NKD1: variants seen among roughly 807,000 people sequenced by gnomAD.
The protein encoded by NKD1 is protein naked cuticle homolog 1.
NKD1 carries 21 observed loss-of-function variants against 56.0 expected under a neutral mutation model. That is an observed-to-expected ratio of 0.38 (90% CI 0.27 to 0.54). The LOEUF is 0.54. Ranked by LOEUF, NKD1 falls within the 20% of genes least tolerant of loss-of-function variation. NKD1 has a pLI of 0.82. For synonymous variants in NKD1, 263 were observed against 265.7 expected (o/e 0.99, Z 0.10); for missense variants, 578 against 642.7 (o/e 0.90, Z 1.09).
rs1307528318 is a variant in NKD1, at chr16:50,549,361, G to A, written c.59-61G>A. On this transcript the variant is annotated intron_variant, in intron 2 of 9. Transcript: ENST00000268459. ...CCCACCGCGCCTCCTTCTTCCCTCC[G>A]CGGGGGTAACTTTTGGCACCTGGAG... The A allele has an allele frequency of 3.2e-6, 5 of 1,574,734 alleles. No homozygotes were observed. The Admixed American group carries it at 5.3e-5, about 17-fold the overall frequency.
chr16:50,633,356 G>A lies in NKD1; in HGVS notation c.988G>A (p.Glu330Lys), dbSNP rs1238133171. The A allele has an allele frequency of 6.2e-7, 1 of 1,614,146 alleles. No individual in the cohort carries two copies. The highest frequency in any genetic ancestry group is 1.7e-5 in the Admixed American group (1 of 60,014). ...FLDTPIAKVS[E>K]LQQRLRGTQD... ...TGACACCCCAATCGCCAAGGTCTCA[G>A]AGCTCCAGCAACGGCTCCGGGGCAC... is the stretch of plus-strand genomic sequence containing the variant. The change falls in exon 10 of 10, where the codon GAG (glutamate) becomes AAG (lysine). Residue 330 changes from glutamate to lysine, a missense_variant. By Grantham distance (56) the Glu-to-Lys change is moderately conservative (BLOSUM62 1). Transcript: ENST00000268459. This position sits in a 1 kb window ranked among gnomAD's most constrained non-coding sequence, Gnocchi z 4.9.
At position 50,625,496 on chromosome 16, in the gene NKD1, C is replaced by T. The variant is rs372034222; in HGVS notation, c.378C>T (p.Cys126=). ...KKQLKFEELQ[C]DVSMEEDSRQ... Reference sequence around the variant, plus strand: ...CTCTCTGCATCCAGGAGCTCCAGTGCGACGTGTCCATGGAGGAGGACAGCC... The same window carrying T: ...CTCTCTGCATCCAGGAGCTCCAGTGTGACGTGTCCATGGAGGAGGACAGCC... Residue 126 remains cysteine, a synonymous_variant, in exon 6 of 10, where the codon TGC becomes TGT. Coordinates refer to ENST00000268459, the MANE Select transcript of NKD1 (RefSeq NM_033119.5). 2.2e-4 allele frequency: 360 copies of T among 1,611,344 alleles called. 1 individual carries two copies. Among genetic ancestry groups the T allele is most frequent in the Non-Finnish European group, 2.8e-4 (330 of 1,177,726 alleles).
chr16:50,571,524 A>ATC, intron 3 of NKD1: 8 of 985,320 alleles, frequency 8.1e-6, no homozygotes, highest in Non-Finnish European at 9.6e-6. Context: ...CTTGAGACCC[A>ATC]TCTGCGCTCC....
rs1363476345 is a variant in NKD1, at chr16:50,598,773, CCAGTGGTGTGGTGGG to C, written c.193-9509_193-9495del. 6.6e-6 allele frequency among the ~76,000 whole-genome samples: 1 copy of C among 151,648 alleles called. No homozygotes were observed. Among genetic ancestry groups the C allele is most frequent in the Non-Finnish European group, 1.5e-5 (1 of 67,876 alleles). Reference sequence around the variant, plus strand: ...TGTGGCAGGTGGTGGCATGGTGGGGCCAGTGGTGTGGTGGGCAGTGGTGTGGCAGGATCAGTGGTG... The same window carrying C: ...TGTGGCAGGTGGTGGCATGGTGGGGCCAGTGGTGTGGCAGGATCAGTGGTG... On this transcript the variant is annotated intron_variant, in intron 3 of 9. Coordinates refer to ENST00000268459, the MANE Select transcript of NKD1 (RefSeq NM_033119.5). This position sits in a 1 kb window ranked among gnomAD's most constrained non-coding sequence, Gnocchi z 4.2.
chr16:50,609,459 C>T (rs765336603), intron 4 of NKD1, among the ~76,000 whole-genome samples: 23 of 152,302 alleles, frequency 1.5e-4, no homozygotes, highest in Admixed American at 5.2e-4. Flanking sequence ...AGACAGCTGG[C>T]TGGAGAGCTG....
At chr16:50,549,641 C>A in intron 3 of NKD1, 86 bp downstream of exon 3, 1 of 1,241,648 alleles carries the variant, frequency 8.1e-7, no homozygotes, top group Non-Finnish European at 1.1e-6. Context: ...CAACTTTGAG[C>A]ACTTTCCTGC....
At chr16:50,613,387 G>C (rs772271926) in intron 4 of NKD1, among the ~76,000 whole-genome samples, 44 of 152,084 alleles carry the variant, frequency 2.9e-4, no homozygotes, top group Non-Finnish European at 6.3e-4. Context: ...TGGCTTCCCA[G>C]GAAGGCTGGG....
At chr16:50,600,632 A>G (rs191336857) in intron 3 of NKD1, among the ~76,000 whole-genome samples, 37 of 152,320 alleles carry the variant, frequency 2.4e-4, no homozygotes, top group Admixed American at 1.4e-3. Context: ...CGACCATGGC[A>G]TGTGGATGCC....
Position 50,633,325 on chromosome 16 carries a change from C to G in NKD1, c.957C>G (p.His319Gln), listed in dbSNP as rs1362369692. 1 of 1,614,190 alleles carries G rather than the reference C, an allele frequency of 6.2e-7. No homozygotes were observed. The highest frequency in any genetic ancestry group is 1.7e-5 in the Admixed American group (1 of 60,024). The change falls in exon 10 of 10, where the codon CAC becomes CAG. Residue 319 changes from histidine to glutamine, a missense_variant. Coordinates refer to ENST00000268459, the MANE Select transcript of NKD1 (RefSeq NM_033119.5). This position sits in a 1 kb window ranked among gnomAD's most constrained non-coding sequence, Gnocchi z 4.9. ...KPQGVDPASF[H>Q]FLDTPIAKVS... ...AAGGCGTGGACCCGGCCTCCTTCCA[C>G]TTCCTTGACACCCCAATCGCCAAGG...
In NKD1 at chr16:50,598,807, A is replaced by G. The variant is rs1961532326; in HGVS notation, c.193-9487A>G. Among the ~76,000 whole-genome samples, 1 of 151,640 alleles carries G rather than the reference A, an allele frequency of 6.6e-6. No individual in the cohort carries two copies. Among genetic ancestry groups the G allele is most frequent in the East Asian group, 1.9e-4 (1 of 5,154 alleles). ...TGGTGGGCAGTGGTGTGGCAGGATCAGTGGTGCGATGTGCAGTGGCATGGT... is the reference window on the plus strand; with the variant it reads ...TGGTGGGCAGTGGTGTGGCAGGATCGGTGGTGCGATGTGCAGTGGCATGGT... On this transcript the variant is annotated intron_variant, in intron 3 of 9. Transcript: ENST00000268459. The surrounding 1 kb of genome is among the most constrained non-coding windows in gnomAD (Gnocchi z 4.2).
intron 3 of NKD1, among the ~76,000 whole-genome samples, chr16:50,580,622 G>C (rs991765863): frequency 6.6e-6 from 1 of 152,222 alleles, no homozygotes; most frequent in African/African-American, 2.4e-5. Context: ...CTAGCTCCCA[G>C]GAATGTTTTG....
At chr16:50,573,335 C>T (rs1022426588) in intron 3 of NKD1, among the ~76,000 whole-genome samples, 2 of 152,094 alleles carry the variant, frequency 1.3e-5, no homozygotes, top group Non-Finnish European at 2.9e-5. Flanking sequence ...CTATGGAGAC[C>T]TCCTGATGCT....
chr16:50,577,337 TG>T (rs1389425217), intron 3 of NKD1, among the ~76,000 whole-genome samples: 8 of 152,298 alleles, frequency 5.3e-5, no homozygotes, highest in Middle Eastern at 6.8e-3. Context: ...ATCACTTTAT[TG>T]AGATATGATT....
chr16:50,574,327 G>C, intron 3 of NKD1: 4 of 985,424 alleles, frequency 4.1e-6, no homozygotes, highest in Non-Finnish European at 4.8e-6. Context: ...AGAACTGGGG[G>C]CTGAGGTGTC....
At chr16:50,626,905 A>G (rs952155640) in intron 6 of NKD1, among the ~76,000 whole-genome samples, 17 of 152,132 alleles carry the variant, frequency 1.1e-4, no homozygotes, top group Non-Finnish European at 2.9e-5. Context: ...CCAGAGAGAC[A>G]CTAAAGCTTT....
intron 4 of NKD1, among the ~76,000 whole-genome samples, chr16:50,612,028 C>T (rs1002298965): frequency 2.1e-4 from 32 of 152,146 alleles, no homozygotes; most frequent in African/African-American, 7.7e-4. Flanking sequence ...CTTCTTTAAT[C>T]CTGTTAGAAT....
At chr16:50,566,593 G>A (rs1440195931) in intron 3 of NKD1, among the ~76,000 whole-genome samples, 3 of 152,232 alleles carry the variant, frequency 2.0e-5, no homozygotes, top group East Asian at 3.9e-4. Flanking sequence ...GGAGAAGGCT[G>A]TAGAAAGCAC....
At chr16:50,562,806 A>G (rs1960663581) in intron 3 of NKD1, among the ~76,000 whole-genome samples, 1 of 152,074 alleles carries the variant, frequency 6.6e-6, no homozygotes, top group South Asian at 2.1e-4. Flanking sequence ...GGACCTAATG[A>G]GCGACCCTAC....
rs535348681 is a variant in NKD1 at position 50,621,979 on chromosome 16, A to G, written c.366+271A>G. Among the ~76,000 whole-genome samples, 9 of 152,338 alleles carry G rather than the reference A, an allele frequency of 5.9e-5. No individual in the cohort carries two copies. The South Asian group carries it at 1.7e-3, about 28-fold the overall frequency. ...AGCTTGGGAGAGGGCATGAGAGTAG[A>G]CGAGGGAGGCAGGACTCTGGCCCTT... On this transcript the variant is annotated intron_variant, in intron 5 of 9. Transcript: ENST00000268459.
Sources: allele counts gnomAD v4.1 joint callset (sites outside exome capture counted in the v4.1 genomes callset), GRCh38; gene constraint gnomAD v4.1.1; non-coding constraint Gnocchi (gnomAD v3.1); transcripts MANE v1.5; gene names NCBI Gene and HGNC (gene_info 2026-07-23, HGNC 2026-07-21).